RGS6: variants seen among roughly 807,000 people sequenced by gnomAD.
RGS6 encodes regulator of G protein signaling 6.
RGS6 carries 30 observed loss-of-function variants against 78.5 expected under a neutral mutation model. That is an observed-to-expected ratio of 0.38 (90% confidence interval 0.29 to 0.52). The LOEUF is 0.52. RGS6 is among the 20% of genes least tolerant of loss of function. The pLI is 0.85. For missense variants in RGS6, 495 were observed against 609.7 expected (o/e 0.81, Z 1.98); for synonymous variants, 206 against 206.0 (o/e 1.00, Z 0.00).
intron 2 of RGS6, among the ~76,000 whole-genome samples, chr14:72,011,857 T>G (rs1423493376): frequency 6.6e-6 from 1 of 152,202 alleles, no homozygotes; most frequent in Non-Finnish European, 1.5e-5. Flanking sequence ...TAATAGTGTA[T>G]TTAACGGTCT....
chr14:72,270,850 C>A (rs1195458952), intron 2 of RGS6, among the ~76,000 whole-genome samples: 3 of 152,194 alleles, frequency 2.0e-5, no homozygotes, highest in Non-Finnish European at 4.4e-5. Context: ...AGTAGAATTC[C>A]TTTTAAAATG....
rs1413700891 is a variant in RGS6 at position 72,474,571 on chromosome 14, T to C, written c.619-54T>C. ...TCCTGATGGTGTGACATGGGCTAAA[T>C]TGGAAGTGTAATTTTCACGTAGTAA... On this transcript the variant is annotated intron_variant, in intron 9 of 17. Transcript: ENST00000553525. The C allele has an allele frequency of 9.9e-6, 15 of 1,510,962 alleles. 1 individual carries two copies. The South Asian group carries it at 1.4e-4, about 14-fold the overall frequency. 93.6% of individuals were successfully genotyped at this position (1,510,962 alleles called of 1,614,324 possible).
At chr14:72,147,621 A>T (rs2096622938) in intron 2 of RGS6, among the ~76,000 whole-genome samples, 1 of 152,222 alleles carries the variant, frequency 6.6e-6, no homozygotes, top group African/African-American at 2.4e-5. Flanking sequence ...TGGAGAACAC[A>T]TTCAAATCGT....
At chr14:71,955,581 T>C (rs1238004787) in intron 1 of RGS6, among the ~76,000 whole-genome samples, 1 of 152,186 alleles carries the variant, frequency 6.6e-6, no homozygotes, top group African/African-American at 2.4e-5. Context: ...TTTTAGGCCA[T>C]ATAGGGTAAC....
At position 72,439,924 on chromosome 14, in the gene RGS6, C is replaced by T. The variant is rs150904288; in HGVS notation, c.185-14604C>T. ...AACTGTTCCTCCTTGCTACCCCATT[C>T]GACCTGAGGTTGGAAACTTCCTCTA... is the stretch of plus-strand genomic sequence containing the variant. On this transcript the variant is annotated intron_variant, in intron 3 of 17. Coordinates refer to ENST00000553525, the MANE Select transcript of RGS6 (RefSeq NM_001204424.2). 2.4e-3 allele frequency among the ~76,000 whole-genome samples: 362 copies of T among 152,328 alleles called. 1 individual carries two copies. Among genetic ancestry groups the T allele is most frequent in the African/African-American group, 6.4e-3 (266 of 41,576 alleles).
intron 5 of RGS6, 117 bp downstream of exon 5, chr14:72,458,494 C>T: frequency 2.7e-6 from 2 of 749,320 alleles, no homozygotes; most frequent in African/African-American, 1.7e-5. Flanking sequence ...CACTCCTCAT[C>T]AGCACTGGGA....
chr14:72,505,002 TC>T (rs2096781499), intron 13 of RGS6, among the ~76,000 whole-genome samples: 1 of 136,376 alleles, frequency 7.3e-6, no homozygotes, highest in Non-Finnish European at 1.5e-5. Flanking sequence ...GGTCTCAAAC[TC>T]CTGACCTTGT....
At chr14:71,955,490 C>T (rs1412105736) in intron 1 of RGS6, among the ~76,000 whole-genome samples, 2 of 152,178 alleles carry the variant, frequency 1.3e-5, no homozygotes, top group Non-Finnish European at 2.9e-5. Flanking sequence ...TAGAGCAGCC[C>T]TGAGGGCTTC....
intron 2 of RGS6, among the ~76,000 whole-genome samples, chr14:72,254,012 C>T (rs572059302): frequency 1.3e-5 from 2 of 152,226 alleles, no homozygotes; most frequent in Admixed American, 6.5e-5. Context: ...TTGTAGACCA[C>T]GATGACAGAA....
the RGS6 span, among the ~76,000 whole-genome samples, chr14:72,585,277 C>T: frequency 2.0e-5 from 3 of 152,222 alleles, no homozygotes; most frequent in South Asian, 6.2e-4. Context: ...TTTCTCTATT[C>T]CACAAATCAG....
In RGS6 at chr14:72,241,167, A is replaced by C. The variant is rs114503027; in HGVS notation, c.85-110928A>C. On this transcript the variant is annotated intron_variant, in intron 2 of 17. Coordinates refer to ENST00000553525, the MANE Select transcript of RGS6 (RefSeq NM_001204424.2). Reference sequence around the variant, plus strand: ...CGAGACTCTGTCTCAAAAAAAAAAAAAAAACAAAACTTATGCCTTTTATGA... The same window carrying C: ...CGAGACTCTGTCTCAAAAAAAAAAACAAAACAAAACTTATGCCTTTTATGA... Among the ~76,000 whole-genome samples, 1,491 of 151,862 alleles carry C rather than the reference A, an allele frequency of 9.8e-3. 25 individuals carry two copies. The highest frequency in any genetic ancestry group is 0.034 in the African/African-American group (1,408 of 41,388).
intron 3 of RGS6, among the ~76,000 whole-genome samples, chr14:72,453,045 ACTGT>A (rs140475094): frequency 6.6e-6 from 1 of 152,258 alleles, no homozygotes; most frequent in African/African-American, 2.4e-5. Context: ...ATGCCGCAGG[ACTGT>A]CTGAATAGCT....
chr14:72,217,114 AGATAAGGTAAATCAAAGT>A (rs2045771060), intron 2 of RGS6, among the ~76,000 whole-genome samples: 1 of 152,152 alleles, frequency 6.6e-6, no homozygotes, highest in African/African-American at 2.4e-5. Flanking sequence ...AACAGCTCAA[AGATAAGGTAAATCAAAGT>A]GCCCCCCAAG....
chr14:71,962,378 TAGAAG>T (rs1291584890), intron 1 of RGS6, among the ~76,000 whole-genome samples: 3 of 152,152 alleles, frequency 2.0e-5, no homozygotes, highest in East Asian at 1.9e-4. Flanking sequence ...GTTTTCTAGA[TAGAAG>T]AGAATGTGCT....
At chr14:72,021,613 C>T (rs138818060) in intron 2 of RGS6, among the ~76,000 whole-genome samples, 6,881 of 151,696 alleles carry the variant, frequency 0.045, 221 homozygotes, top group Non-Finnish European at 0.069. Flanking sequence ...GAATTACAGG[C>T]GCCTGCCACC....
chr14:72,545,909 CTGTG>C (rs3831612), intron 17 of RGS6, among the ~76,000 whole-genome samples: 88 of 151,766 alleles, frequency 5.8e-4, no homozygotes, highest in African/African-American at 2.1e-3. Flanking sequence ...GGATGCCCAG[CTGTG>C]TGTGTGTGTG....
intron 3 of RGS6, among the ~76,000 whole-genome samples, chr14:72,381,328 G>A (rs531061579): frequency 6.6e-6 from 1 of 152,090 alleles, no homozygotes; most frequent in South Asian, 2.1e-4. Flanking sequence ...AAAGATAAAT[G>A]TTTGAGATGA....
chr14:72,386,484 G>A (rs2088094226), intron 3 of RGS6, among the ~76,000 whole-genome samples: 1 of 152,188 alleles, frequency 6.6e-6, no homozygotes, highest in Non-Finnish European at 1.5e-5. Context: ...GTTGCAGTGA[G>A]CCAAGATTGT....
At chr14:71,977,798 A>C (rs988454662) in intron 2 of RGS6, among the ~76,000 whole-genome samples, 4 of 152,062 alleles carry the variant, frequency 2.6e-5, no homozygotes, top group African/African-American at 9.7e-5. Flanking sequence ...AATTCTGTGA[A>C]GAAAGGCATT....
Sources: allele counts gnomAD v4.1 joint callset (sites outside exome capture counted in the v4.1 genomes callset), GRCh38; gene constraint gnomAD v4.1.1; transcripts MANE v1.5; gene names NCBI Gene and HGNC (gene_info 2026-07-23, HGNC 2026-07-21).